ATP8A1: variants seen among roughly 807,000 people sequenced by gnomAD.
The protein encoded by ATP8A1 is ATPase phospholipid transporting 8A1, also known as phospholipid-transporting ATPase IA.
Under a neutral mutation model 177.7 loss-of-function variants are expected in ATP8A1, and 90 were observed. The ratio of observed to expected loss-of-function variants is 0.51; its 90% confidence interval spans 0.43 to 0.60. The LOEUF (loss-of-function observed/expected upper bound fraction) is 0.60, where lower values mean the gene tolerates loss of function less well. Ranked by LOEUF, ATP8A1 falls within the 20% of genes least tolerant of loss-of-function variation. The pLI is 0.00. For missense variants in ATP8A1, 1,072 were observed against 1,392.8 expected, an observed-to-expected ratio of 0.77 and a Z score of 3.67; for synonymous variants, 493 against 485.9, an observed-to-expected ratio of 1.01 and a Z score of -0.19.
intron 25 of ATP8A1, among the ~76,000 whole-genome samples, chr4:42,476,388 T>G (rs11722448): frequency 0.95 from 144,165 of 152,200 alleles, 68,734 homozygotes; most frequent in Non-Finnish European, 1. Context: ...TGAGGCTGAG[T>G]CGGGCGGATC....
chr4:42,475,884 C>T (rs973560913), intron 25 of ATP8A1, among the ~76,000 whole-genome samples: 1 of 151,744 alleles, frequency 6.6e-6, no homozygotes, highest in African/African-American at 2.4e-5. Flanking sequence ...ACTGAAAATA[C>T]AAAAGTTAGC....
chr4:42,615,968 G>A, intron 5 of ATP8A1, 65 bp downstream of exon 5: 6 of 1,389,522 alleles, frequency 4.3e-6, no homozygotes, highest in Non-Finnish European at 6.0e-6. Flanking sequence ...ATATGTAATT[G>A]AAGTGTTTGT....
chr4:42,507,800 A>AAAAC (rs1724593446), intron 22 of ATP8A1, among the ~76,000 whole-genome samples: 3 of 146,002 alleles, frequency 2.1e-5, no homozygotes, highest in Admixed American at 2.0e-4. Context: ...AAAAAAAAAA[A>AAAAC]AAAAAAAAAC....
chr4:42,594,585 T>A (rs200587380), intron 6 of ATP8A1, among the ~76,000 whole-genome samples: 3 of 152,118 alleles, frequency 2.0e-5, no homozygotes, highest in Non-Finnish European at 4.4e-5. Flanking sequence ...CTTATCTTGA[T>A]AAAATCAATC....
At chr4:42,519,796 A>C (rs906395263) in intron 22 of ATP8A1, among the ~76,000 whole-genome samples, 2 of 152,188 alleles carry the variant, frequency 1.3e-5, no homozygotes, top group Non-Finnish European at 2.9e-5. Context: ...GCTTACTATG[A>C]AGTGAAGACA....
At chr4:42,655,549 G>C (rs1043596583) in intron 1 of ATP8A1, among the ~76,000 whole-genome samples, 1 of 152,204 alleles carries the variant, frequency 6.6e-6, no homozygotes, top group Non-Finnish European at 1.5e-5. Flanking sequence ...CATTTTAAAA[G>C]TATAATGTAT....
chr4:42,637,459 T>C (rs1739514172), intron 1 of ATP8A1, among the ~76,000 whole-genome samples: 1 of 152,230 alleles, frequency 6.6e-6, no homozygotes, highest in Non-Finnish European at 1.5e-5. Flanking sequence ...ATCTGAGTTA[T>C]AACAAACATT....
At chr4:42,595,854 A>G (rs913669577) in intron 6 of ATP8A1, among the ~76,000 whole-genome samples, 7 of 152,200 alleles carry the variant, frequency 4.6e-5, no homozygotes, top group Admixed American at 3.9e-4. Context: ...ATCTTTACTC[A>G]TTGTAAGACA....
chr4:42,543,973 T>C lies in ATP8A1; in HGVS notation c.1666A>G (p.Met556Val). The change falls in exon 20 of 37, where the codon ATG (methionine) becomes GTG (valine). Residue 556 changes from methionine to valine, a missense_variant. Transcript: ENST00000381668. ...VLEFTSARKR[M>V]SVIVRTPSGK... is the part of the protein sequence containing the mutation. ...GATGGAGTGCGAACAATCACTGACA[T>C]TCTTTTCCTAGCACTGAAAGAAAGA... 6.2e-7 allele frequency: 1 copy of C among 1,613,388 alleles called. No homozygotes were observed. Among genetic ancestry groups the C allele is most frequent in the South Asian group, 1.1e-5 (1 of 91,034 alleles).
intron 24 of ATP8A1, among the ~76,000 whole-genome samples, chr4:42,489,091 C>G (rs1342597490): frequency 6.6e-6 from 1 of 152,104 alleles, no homozygotes; most frequent in Non-Finnish European, 1.5e-5. Flanking sequence ...TTCCAGGGAA[C>G]AAATAATCCA....
At chr4:42,612,145 G>C (rs1736432051) in intron 5 of ATP8A1, among the ~76,000 whole-genome samples, 1 of 152,140 alleles carries the variant, frequency 6.6e-6, no homozygotes, top group African/African-American at 2.4e-5. Context: ...GATTTTATCA[G>C]TGACTGTGAA....
At chr4:42,627,698 T>C (rs572043546) in intron 1 of ATP8A1, among the ~76,000 whole-genome samples, 36 of 152,346 alleles carry the variant, frequency 2.4e-4, no homozygotes, top group Admixed American at 2.4e-3. Context: ...AACAACAGGA[T>C]ACATTCAACT....
At chr4:42,632,186 T>C (rs902136816) in intron 1 of ATP8A1, among the ~76,000 whole-genome samples, 2 of 152,206 alleles carry the variant, frequency 1.3e-5, no homozygotes, top group Non-Finnish European at 2.9e-5. Context: ...CTGGGAAATC[T>C]TAGCTTCTTT....
At chr4:42,641,277 C>T (rs1739965115) in intron 1 of ATP8A1, among the ~76,000 whole-genome samples, 1 of 152,068 alleles carries the variant, frequency 6.6e-6, no homozygotes, top group African/African-American at 2.4e-5. Flanking sequence ...GACACCTGAC[C>T]CAGCAAGGCA....
chr4:42,548,876 G>A (rs1279387270), intron 19 of ATP8A1, 137 bp downstream of exon 19: 4 of 672,488 alleles, frequency 5.9e-6, no homozygotes, highest in East Asian at 2.9e-5. Flanking sequence ...ATGTACTAAA[G>A]ATTTTGATTT....
chr4:42,623,266 A>G (rs1410077703), intron 4 of ATP8A1, among the ~76,000 whole-genome samples: 1 of 152,166 alleles, frequency 6.6e-6, no homozygotes, highest in Admixed American at 6.5e-5. Context: ...ATTAGTTTTG[A>G]CCATTGTGGA....
intron 13 of ATP8A1, 64 bp from the exon 14 acceptor site, chr4:42,574,771 A>C: frequency 3.6e-6 from 4 of 1,117,164 alleles, no homozygotes; most frequent in Non-Finnish European, 5.2e-6. Context: ...TTTACAGAGA[A>C]ACCCCTCATG....
chr4:42,502,778 A>C (rs1213533772), intron 24 of ATP8A1, among the ~76,000 whole-genome samples: 1 of 152,196 alleles, frequency 6.6e-6, no homozygotes, highest in Non-Finnish European at 1.5e-5. Flanking sequence ...CGTCATAATG[A>C]CTATTTTAAG....
In ATP8A1 at chr4:42,525,707, G is replaced by A. The variant is rs534852636; in HGVS notation, c.1723-860C>T. On this transcript the variant is annotated intron_variant, in intron 20 of 36. Coordinates refer to ENST00000381668, the MANE Select transcript of ATP8A1 (RefSeq NM_006095.2). ...AAGAATTTTAGTGTTCAACCTTCAC[G>A]GTTTTATTAGACCAGGAAAAAATAA... is the stretch of plus-strand genomic sequence containing the variant. Among the ~76,000 whole-genome samples the A allele has an allele frequency of 6.6e-5, 10 of 151,848 alleles. No individual in the cohort carries two copies. The East Asian group carries it at 7.8e-4, about 12-fold the overall frequency.
Sources: allele counts gnomAD v4.1 joint callset (sites outside exome capture counted in the v4.1 genomes callset), GRCh38; gene constraint gnomAD v4.1.1; transcripts MANE v1.5; gene names NCBI Gene and HGNC (gene_info 2026-07-23, HGNC 2026-07-21).